Variants in MCF2 observed in about 807,000 individuals in gnomAD.
MCF2 encodes the protein MCF.2 cell line derived transforming sequence.
MCF2 carries 44 observed loss-of-function variants against 82.5 expected under a neutral mutation model. That is an observed-to-expected ratio of 0.53 (90% CI 0.42 to 0.69). The LOEUF is 0.69. Among genes scored for constraint, MCF2 ranks in the 30% least tolerant of loss-of-function variants. The pLI, the probability that MCF2 is intolerant of heterozygous loss-of-function variation, is 0.00. For missense variants in MCF2, 623 were observed against 663.1 expected, an observed-to-expected ratio of 0.94 and a Z score of 0.66; for synonymous variants, 217 against 224.9, an observed-to-expected ratio of 0.96 and a Z score of 0.32.
intron 10 of MCF2, among the ~76,000 whole-genome samples, chrX:139,610,721 T>C (rs911254937): frequency 9.0e-6 from 1 of 111,699 alleles, no homozygotes; most frequent in Non-Finnish European, 1.9e-5. Context: ...AAGTTTAATC[T>C]ACTAATTAGA....
At chrX:139,683,102 T>A (rs181165135) in intron 1 of MCF2, among the ~76,000 whole-genome samples, 2 of 111,605 alleles carry the variant, frequency 1.8e-5, no homozygotes, top group Non-Finnish European at 3.8e-5. Flanking sequence ...GCTAATTTTT[T>A]AAAATATATT....
intron 1 of MCF2, among the ~76,000 whole-genome samples, chrX:139,674,736 C>G (rs1442744820): frequency 8.9e-6 from 1 of 111,841 alleles, no homozygotes; most frequent in East Asian, 2.8e-4. Flanking sequence ...CCCAACCTTT[C>G]TCTCTGGCTG....
intron 16 of MCF2, 140 bp downstream of exon 20, chrX:139,602,266 G>A (rs1335990695): frequency 2.0e-6 from 1 of 490,713 alleles, no homozygotes; most frequent in South Asian, 3.1e-5. Flanking sequence ...TGTGTGTTGG[G>A]GGGGAGGGTG....
intron 1 of MCF2, among the ~76,000 whole-genome samples, chrX:139,689,507 C>A (rs776475024): frequency 2.7e-5 from 3 of 110,420 alleles, no homozygotes; most frequent in African/African-American, 3.3e-5. Flanking sequence ...AGTAAAACCA[C>A]TCAACATGCC....
intron 1 of MCF2, among the ~76,000 whole-genome samples, chrX:139,667,010 A>G (rs1186771427): frequency 9.0e-6 from 1 of 110,991 alleles, no homozygotes; most frequent in African/African-American, 3.3e-5. Context: ...GATGCTTTCA[A>G]ACGTATTTTG....
At chrX:139,702,321 T>C (rs1180232730) in intron 1 of MCF2, 2 of 112,093 alleles carry the variant, frequency 1.8e-5, no homozygotes, top group African/African-American at 6.5e-5. Flanking sequence ...TTGTAACAAG[T>C]TTTGAGGGAG....
intron 1 of MCF2, among the ~76,000 whole-genome samples, chrX:139,697,018 T>C (rs1935398465): frequency 8.9e-6 from 1 of 112,340 alleles, no homozygotes; most frequent in Non-Finnish European, 1.9e-5. Context: ...ATCTATGTAC[T>C]TCAACATTCC....
intron 1 of MCF2, among the ~76,000 whole-genome samples, chrX:139,691,465 T>C (rs1935261111): frequency 8.9e-6 from 1 of 112,001 alleles, no homozygotes; most frequent in Non-Finnish European, 1.9e-5. Flanking sequence ...TGTGGGAAGA[T>C]ACACTCTATT....
intron 1 of MCF2, among the ~76,000 whole-genome samples, chrX:139,659,644 T>C (rs998461962): frequency 8.9e-6 from 1 of 111,804 alleles, no homozygotes; most frequent in Non-Finnish European, 1.9e-5. Context: ...ACGTGCCATG[T>C]CATCCAAGCA....
At chrX:139,676,035 C>A (rs181186573) in intron 1 of MCF2, among the ~76,000 whole-genome samples, 1,882 of 112,548 alleles carry the variant, frequency 0.017, 42 homozygotes, top group African/African-American at 0.057. Context: ...CAATGGCGGA[C>A]CCCCTCCCCC....
At chrX:139,623,749 T>C (rs1932584238) in intron 6 of MCF2, among the ~76,000 whole-genome samples, 1 of 111,829 alleles carries the variant, frequency 8.9e-6, no homozygotes. Flanking sequence ...GTTGAAAGTT[T>C]TAAAAACCAA....
chrX:139,628,892 C>A (rs1372976231), intron 4 of MCF2, among the ~76,000 whole-genome samples: 1 of 111,239 alleles, frequency 9.0e-6, no homozygotes, highest in Non-Finnish European at 1.9e-5. Context: ...AATTTGCAAC[C>A]CCTGGTCTAC....
chrX:139,641,998 T>G (rs1387409259), intron 1 of MCF2, among the ~76,000 whole-genome samples: 2 of 111,452 alleles, frequency 1.8e-5, no homozygotes, highest in Non-Finnish European at 3.8e-5. Flanking sequence ...TCATTACAGA[T>G]TTTAAATTTA....
rs775091662 is a variant in MCF2, at chrX:139,604,769, A to G, written c.1674-19T>C. Reference sequence around the variant, plus strand: ...GAAAATGCTGTGAAAATTTCAGAGAAAAAAAATTGCATGATTTTATGTGAA... The same window carrying G: ...GAAAATGCTGTGAAAATTTCAGAGAGAAAAAATTGCATGATTTTATGTGAA... On this transcript the variant is annotated intron_variant, in intron 14 of 24. Coordinates refer to ENST00000370576, the Ensembl canonical transcript of MCF2. The G allele has an allele frequency of 1.6e-5, 18 of 1,158,741 alleles. No homozygotes were observed. Among genetic ancestry groups the G allele is most frequent in the Admixed American group, 2.3e-5 (1 of 43,301 alleles).
rs369455346 is a variant in MCF2 at position 139,605,828 on chromosome X, T to C, written c.1491-49A>G. ...TCAGTTATTTTATTACTGAGATCTATATTGCAATGTTTCAAGTATTATCAT... is the reference window on the plus strand; with the variant it reads ...TCAGTTATTTTATTACTGAGATCTACATTGCAATGTTTCAAGTATTATCAT... On this transcript the variant is annotated intron_variant, in intron 12 of 24. Coordinates refer to ENST00000370576, the Ensembl canonical transcript of MCF2. The C allele has an allele frequency of 1.3e-5, 12 of 918,907 alleles. No individual in the cohort carries two copies. The African/African-American group carries it at 2.0e-4, about 15-fold the overall frequency. The allele number at this position is 918,907 out of a possible 1,213,427, so 75.7% of individuals were successfully genotyped here. A position where few individuals can be genotyped will look rare whatever the true frequency, so the allele number is the denominator to read the frequency against.
intron 1 of MCF2, chrX:139,692,093 G>C (rs1009668348): frequency 1.5e-5 from 18 of 1,162,120 alleles, no homozygotes; most frequent in Non-Finnish European, 2.0e-5. Context: ...AGGACACTGA[G>C]GTCCACGGCG....
chrX:139,668,857 C>T (rs1448354400), intron 1 of MCF2, among the ~76,000 whole-genome samples: 2 of 110,644 alleles, frequency 1.8e-5, no homozygotes, highest in East Asian at 5.6e-4. Context: ...AGGATATCTA[C>T]ATATGTCATA....
At chrX:139,626,881 T>C in intron 4 of MCF2, 125 bp from the exon 8 acceptor site, 1 of 559,995 alleles carries the variant, frequency 1.8e-6, no homozygotes, top group Non-Finnish European at 2.7e-6. Flanking sequence ...GCCTTTGCTT[T>C]CATAGCTCTC....
At position 139,636,474 on chromosome X, in the gene MCF2, A is replaced by G. The variant is rs867064907; in HGVS notation, c.52-4020T>C. On this transcript the variant is annotated intron_variant, in intron 1 of 24. Coordinates refer to ENST00000370576, the Ensembl canonical transcript of MCF2. ...TTCCCTTAATCTCATATTCTCTTGT[A>G]TCTAGAATTATCTGGATACAAGAAC... 5.4e-5 allele frequency among the ~76,000 whole-genome samples: 6 copies of G among 111,541 alleles called. No homozygotes were observed. In the East Asian group the frequency reaches 1.7e-3, roughly 31 times the overall value.
Sources: allele counts gnomAD v4.1 joint callset (sites outside exome capture counted in the v4.1 genomes callset), GRCh38; gene constraint gnomAD v4.1.1; transcripts MANE v1.5; gene names NCBI Gene and HGNC (gene_info 2026-07-23, HGNC 2026-07-21).